METTL15: variants seen among roughly 807,000 people sequenced by gnomAD.
The protein encoded by METTL15 is methyltransferase 15, mitochondrial 12S rRNA N4-cytidine.
Under a neutral mutation model 38.3 loss-of-function variants are expected in METTL15, and 34 were observed. The observed-to-expected ratio is 0.89, with a 90% CI of 0.68 to 1.18. The LOEUF (loss-of-function observed/expected upper bound fraction) is 1.18, where lower values mean the gene tolerates loss of function less well. Among genes scored for constraint, METTL15 ranks in the 50% most tolerant of loss-of-function variants. METTL15 has a pLI of 0.00. For synonymous variants in METTL15, 162 were observed against 170.9 expected, an observed-to-expected ratio of 0.95 and a Z score of 0.41; for missense variants, 438 against 498.4, an observed-to-expected ratio of 0.88 and a Z score of 1.15.
At chr11:28,162,829 C>T (rs983437105) in intron 3 of METTL15, among the ~76,000 whole-genome samples, 5 of 151,960 alleles carry the variant, frequency 3.3e-5, no homozygotes, top group Non-Finnish European at 7.4e-5. Flanking sequence ...AAAAACAGAA[C>T]GTTTGTCTGG....
intron 4 of METTL15, among the ~76,000 whole-genome samples, chr11:28,239,368 T>A (rs1315298756): frequency 6.6e-6 from 1 of 152,240 alleles, no homozygotes; most frequent in East Asian, 1.9e-4. Context: ...CCTTTTGATA[T>A]GGCAGTACAA....
intron 3 of METTL15, among the ~76,000 whole-genome samples, chr11:28,209,567 A>T (rs1368889364): frequency 6.6e-6 from 1 of 152,082 alleles, no homozygotes; most frequent in African/African-American, 2.4e-5. Flanking sequence ...CATTTGTGTT[A>T]AAAAGCATTG....
At chr11:28,501,054 C>T (rs758232089) in intron 6 of METTL15, among the ~76,000 whole-genome samples, 1 of 152,214 alleles carries the variant, frequency 6.6e-6, no homozygotes, top group Non-Finnish European at 1.5e-5. Flanking sequence ...CATATTCCCA[C>T]TATCCTGCCT....
At chr11:28,152,126 A>T (rs1263318927) in intron 3 of METTL15, among the ~76,000 whole-genome samples, 1 of 151,978 alleles carries the variant, frequency 6.6e-6, no homozygotes, top group Non-Finnish European at 1.5e-5. Flanking sequence ...GCTACTTTAT[A>T]TACATTTTAG....
At chr11:28,313,605 G>A (rs888472702) in intron 6 of METTL15, among the ~76,000 whole-genome samples, 11 of 150,952 alleles carry the variant, frequency 7.3e-5, no homozygotes, top group Admixed American at 3.3e-4. Flanking sequence ...ATATGCTATC[G>A]CATGTTAATT....
intron 4 of METTL15, among the ~76,000 whole-genome samples, chr11:28,280,491 T>C (rs1216844160): frequency 6.6e-6 from 1 of 152,108 alleles, no homozygotes; most frequent in Non-Finnish European, 1.5e-5. Flanking sequence ...TGCTTTTGTA[T>C]CTATGTTTAT....
rs1309753879 is a variant in METTL15, at chr11:28,330,882, T to C, written c.*41T>C. 32 of 1,444,626 alleles carry C rather than the reference T, an allele frequency of 2.2e-5. No homozygotes were observed. Among genetic ancestry groups the C allele is most frequent in the Middle Eastern group, 1.8e-4 (1 of 5,480 alleles). 89.5% of individuals were successfully genotyped at this position (1,444,626 alleles called of 1,614,324 possible). A position where few individuals can be genotyped will look rare whatever the true frequency, so the allele number is the denominator to read the frequency against. On this transcript the variant is annotated 3_prime_UTR_variant, in exon 7 of 7. Transcript: ENST00000407364. ...TTCTTCAAATTTTTTTCTCACAATT[T>C]CTCTAATCTTTACTCATGTTATGTC...
At chr11:28,326,779 GT>G (rs1565257744) in intron 6 of METTL15, among the ~76,000 whole-genome samples, 3 of 151,560 alleles carry the variant, frequency 2.0e-5, no homozygotes, top group East Asian at 2.0e-4. Context: ...TTTTGTTTTT[GT>G]TTTTTGGTTT....
chr11:28,149,762 A>G (rs865783284), intron 3 of METTL15, among the ~76,000 whole-genome samples: 1 of 151,820 alleles, frequency 6.6e-6, no homozygotes, highest in African/African-American at 2.4e-5. Context: ...TCCCATAGAA[A>G]TTTATTTTCG....
rs138739011 is a variant in METTL15 at position 28,259,292 on chromosome 11, A to G, written c.408-30914A>G. 3.4e-4 allele frequency among the ~76,000 whole-genome samples: 51 copies of G among 152,038 alleles called. No individual in the cohort carries two copies. In the East Asian group the frequency reaches 9.0e-3, roughly 27 times the overall value. On this transcript the variant is annotated intron_variant, in intron 4 of 6. Coordinates refer to ENST00000407364, the MANE Select transcript of METTL15 (RefSeq NM_001113528.2). Reference sequence around the variant, plus strand: ...TCCCATTTGTCCTGCCCTCTCCTCAAGCAGAAGGGACAGGTCTCCTTTAGA... The same window carrying G: ...TCCCATTTGTCCTGCCCTCTCCTCAGGCAGAAGGGACAGGTCTCCTTTAGA...
chr11:28,378,354 G>C (rs139082234), intron 5 of METTL15, among the ~76,000 whole-genome samples: 2 of 152,322 alleles, frequency 1.3e-5, no homozygotes, highest in Non-Finnish European at 2.9e-5. Flanking sequence ...ATATAATCTC[G>C]TGGTGCATCG....
rs563274777 is a variant in METTL15 at position 28,498,394 on chromosome 11, G to A, written c.*425-28084G>A. On this transcript the variant is annotated intron_variant and NMD_transcript_variant, in intron 6 of 7. Coordinates refer to the METTL15 transcript ENST00000532947. ...AGGATGGTCTCGATCTCCTGACCTC[G>A]TGATCCGCCCACCTCGGCCTCCCAA... Among the ~76,000 whole-genome samples, 640 of 152,196 alleles carry A rather than the reference G, an allele frequency of 4.2e-3. 4 individuals carry two copies. Among genetic ancestry groups the A allele is most frequent in the Non-Finnish European group, 7.1e-3 (480 of 68,010 alleles).
intron 4 of METTL15, among the ~76,000 whole-genome samples, chr11:28,245,243 C>A (rs759771193): frequency 1.3e-4 from 20 of 152,134 alleles, no homozygotes; most frequent in Non-Finnish European, 2.4e-4. Context: ...TGCTTGTGTC[C>A]TCATTTGTAA....
At chr11:28,189,237 T>C (rs996120688) in intron 3 of METTL15, among the ~76,000 whole-genome samples, 1 of 151,366 alleles carries the variant, frequency 6.6e-6, no homozygotes, top group Admixed American at 6.6e-5. Context: ...AATTTGAGCA[T>C]ATAAAAATTG....
intron 3 of METTL15, among the ~76,000 whole-genome samples, chr11:28,347,271 A>G (rs1850004255): frequency 6.6e-6 from 1 of 152,196 alleles, no homozygotes. Context: ...ACCAATGGTA[A>G]AGTGAGGTAG....
intron 4 of METTL15, among the ~76,000 whole-genome samples, chr11:28,268,254 A>C (rs770738603): frequency 2.0e-5 from 3 of 151,422 alleles, no homozygotes; most frequent in African/African-American, 7.2e-5. Flanking sequence ...TATAGAAATA[A>C]TAATTGTATA....
At chr11:28,525,987 G>A (rs10835353) in intron 6 of METTL15, among the ~76,000 whole-genome samples, 60,513 of 152,116 alleles carry the variant, frequency 0.4, 13,774 homozygotes, top group Admixed American at 0.52. Flanking sequence ...TGAGCACAGC[G>A]CTGGTGGGCC....
intron 5 of METTL15, among the ~76,000 whole-genome samples, chr11:28,295,685 C>T (rs529728560): frequency 6.6e-6 from 1 of 151,960 alleles, no homozygotes; most frequent in East Asian, 1.9e-4. Flanking sequence ...AAAGTCATGA[C>T]AAATCGGGGG....
At chr11:28,301,260 C>T (rs1411303402) in intron 6 of METTL15, among the ~76,000 whole-genome samples, 1 of 151,982 alleles carries the variant, frequency 6.6e-6, no homozygotes, top group East Asian at 1.9e-4. Context: ...ATTGACCTTC[C>T]TCTTCTCTCA....
Sources: gnomAD v4.1 joint callset for allele counts (sites outside exome capture counted in the v4.1 genomes callset) on GRCh38, gnomAD v4.1.1 for gene constraint, MANE v1.5 for transcripts, NCBI Gene and HGNC (gene_info 2026-07-23, HGNC 2026-07-21) for gene names.